CNTN4: variants seen among roughly 807,000 people sequenced by gnomAD.
CNTN4 encodes contactin-4.
A neutral mutation model predicts 122.5 loss-of-function variants in CNTN4; 77 were observed. The observed-to-expected ratio is 0.63, with a 90% confidence interval of 0.52 to 0.76. The LOEUF is 0.76. CNTN4 is among the 30% of genes least tolerant of loss of function. The pLI is 0.00. For missense variants in CNTN4, 1,256 were observed against 1,259.1 expected (o/e 1.00, Z 0.04); for synonymous variants, 512 against 447.0 (o/e 1.15, Z -1.83).
chr3:2,859,898 G>A (rs1018285622), intron 7 of CNTN4, among the ~76,000 whole-genome samples: 2 of 152,024 alleles, frequency 1.3e-5, no homozygotes, highest in Non-Finnish European at 2.9e-5. Flanking sequence ...CCAAAAAATA[G>A]AGGCAAGAAA....
At chr3:2,603,999 T>C (rs2081154218) in intron 4 of CNTN4, among the ~76,000 whole-genome samples, 1 of 152,206 alleles carries the variant, frequency 6.6e-6, no homozygotes, top group Non-Finnish European at 1.5e-5. Flanking sequence ...TTTCTGTCAA[T>C]GCCTGCTTCA....
intron 5 of CNTN4, among the ~76,000 whole-genome samples, chr3:2,744,252 C>T (rs1055980291): frequency 1.3e-5 from 2 of 152,140 alleles, no homozygotes; most frequent in Non-Finnish European, 1.5e-5. Flanking sequence ...TTTGTTGATA[C>T]CAGACATCCA....
chr3:2,458,845 A>G (rs947239315), intron 3 of CNTN4, among the ~76,000 whole-genome samples: 1 of 152,156 alleles, frequency 6.6e-6, no homozygotes, highest in African/African-American at 2.4e-5. Flanking sequence ...AATGCAGGGT[A>G]TTGGCTTTGC....
At chr3:2,491,974 G>GTT in intron 3 of CNTN4, among the ~76,000 whole-genome samples, 1 of 149,850 alleles carries the variant, frequency 6.7e-6, no homozygotes, top group South Asian at 2.1e-4. Flanking sequence ...TTAAGTCTTT[G>GTT]TTTTTTTTTA....
At chr3:2,438,291 A>G (rs2048323474) in intron 3 of CNTN4, among the ~76,000 whole-genome samples, 1 of 152,164 alleles carries the variant, frequency 6.6e-6, no homozygotes, top group Non-Finnish European at 1.5e-5. Flanking sequence ...AGGCCGAGGC[A>G]GGCGGATCAC....
At chr3:2,967,849 C>CTTTTTT (rs796772751) in intron 13 of CNTN4, among the ~76,000 whole-genome samples, 1 of 108,856 alleles carries the variant, frequency 9.2e-6, no homozygotes, top group Non-Finnish European at 2.0e-5. Flanking sequence ...GTTTTGTTTG[C>CTTTTTT]TTTTTTTTTT....
chr3:2,255,245 A>G (rs965655818), intron 2 of CNTN4, among the ~76,000 whole-genome samples: 11 of 151,824 alleles, frequency 7.2e-5, no homozygotes, highest in Non-Finnish European at 1.3e-4. Flanking sequence ...ATTGGTCTAT[A>G]TATCTGTTTT....
chr3:2,372,129 C>T (rs1296811870), intron 3 of CNTN4, among the ~76,000 whole-genome samples: 2 of 152,162 alleles, frequency 1.3e-5, no homozygotes, highest in Non-Finnish European at 2.9e-5. Flanking sequence ...AATGTGATCA[C>T]TCTCAAAATA....
At chr3:2,466,393 A>G (rs553915453) in intron 3 of CNTN4, among the ~76,000 whole-genome samples, 18 of 152,318 alleles carry the variant, frequency 1.2e-4, no homozygotes, top group Non-Finnish European at 1.5e-4. Flanking sequence ...TCTTTCACCA[A>G]CATCTACAGG....
At chr3:2,186,313 C>T (rs751651450) in intron 2 of CNTN4, among the ~76,000 whole-genome samples, 1 of 152,138 alleles carries the variant, frequency 6.6e-6, no homozygotes. Context: ...GCCACATTTT[C>T]TTAATCCAGT....
intron 4 of CNTN4, among the ~76,000 whole-genome samples, chr3:2,703,877 A>G (rs1425440102): frequency 6.6e-6 from 1 of 152,166 alleles, no homozygotes; most frequent in Non-Finnish European, 1.5e-5. Context: ...ATGTGTTTAA[A>G]AGATGATAGT....
intron 4 of CNTN4, among the ~76,000 whole-genome samples, chr3:2,627,792 C>T (rs1426769775): frequency 6.6e-6 from 1 of 152,128 alleles, no homozygotes; most frequent in African/African-American, 2.4e-5. Flanking sequence ...CGTGCCTGGC[C>T]AACTGTCATT....
At chr3:2,171,666 C>G (rs1009804104) in intron 2 of CNTN4, among the ~76,000 whole-genome samples, 5 of 152,082 alleles carry the variant, frequency 3.3e-5, no homozygotes, top group Admixed American at 2.0e-4. Context: ...ATGACATATC[C>G]CAAAGCGCAG....
intron 6 of CNTN4, among the ~76,000 whole-genome samples, chr3:2,794,440 C>A (rs1329500700): frequency 6.6e-6 from 1 of 152,200 alleles, no homozygotes; most frequent in African/African-American, 2.4e-5. Context: ...AACTCCCAGT[C>A]TCTTGATAAT....
chr3:2,787,564 T>A (rs1379069442), intron 6 of CNTN4, among the ~76,000 whole-genome samples: 1 of 152,114 alleles, frequency 6.6e-6, no homozygotes, highest in African/African-American at 2.4e-5. Flanking sequence ...GGAAGAAGAA[T>A]CCTGTAATGA....
At chr3:2,923,646 C>T (rs1465572328) in intron 12 of CNTN4, among the ~76,000 whole-genome samples, 4 of 152,182 alleles carry the variant, frequency 2.6e-5, no homozygotes, top group African/African-American at 7.2e-5. Flanking sequence ...GCAATTTGCA[C>T]TTATTTCATA....
intron 3 of CNTN4, among the ~76,000 whole-genome samples, chr3:2,361,245 A>G (rs80344509): frequency 0.017 from 2,589 of 150,668 alleles, 87 homozygotes; most frequent in African/African-American, 0.061. Context: ...TTGGTTTGCA[A>G]CTCACTGAGC....
At chr3:2,548,292 G>A (rs1401703742) in intron 3 of CNTN4, among the ~76,000 whole-genome samples, 1 of 152,096 alleles carries the variant, frequency 6.6e-6, no homozygotes, top group Non-Finnish European at 1.5e-5. Context: ...TTCTTCTAGG[G>A]TTTTTATGGT....
intron 3 of CNTN4, among the ~76,000 whole-genome samples, chr3:2,418,677 G>A (rs2047505927): frequency 6.6e-6 from 1 of 152,060 alleles, no homozygotes; most frequent in African/African-American, 2.4e-5. Context: ...AGGGTTTATA[G>A]GAAAGGAAAT....
Sources: gnomAD v4.1 joint callset for allele counts (sites outside exome capture counted in the v4.1 genomes callset) on GRCh38, gnomAD v4.1.1 for gene constraint, MANE v1.5 for transcripts, NCBI Gene and HGNC (gene_info 2026-07-23, HGNC 2026-07-21) for gene names.